MAK: variants seen among roughly 807,000 people sequenced by gnomAD.
MAK encodes the protein male germ cell associated kinase, also known as serine/threonine-protein kinase MAK.
A neutral mutation model predicts 82.6 loss-of-function variants in MAK; 65 were observed. That is an observed-to-expected ratio of 0.79 (90% CI 0.64 to 0.97). MAK has a LOEUF of 0.97. MAK is among the 50% of genes least tolerant of loss of function. The pLI, the probability that MAK is intolerant of heterozygous loss-of-function variation, is 0.00. For synonymous variants in MAK, 250 were observed against 274.2 expected (o/e 0.91, Z 0.87); for missense variants, 703 against 780.2 (o/e 0.90, Z 1.18).
intron 12 of MAK, among the ~76,000 whole-genome samples, chr6:10,773,566 CTG>C (rs142991195): frequency 1.1e-4 from 17 of 152,184 alleles, no homozygotes; most frequent in African/African-American, 4.1e-4. Flanking sequence ...AAAAAACAAA[CTG>C]TACCTCTTCA....
chr6:10,816,060 C>G (rs1282703509), intron 4 of MAK, among the ~76,000 whole-genome samples: 1 of 151,272 alleles, frequency 6.6e-6, no homozygotes, highest in Non-Finnish European at 1.5e-5. Context: ...GCAGTGAAAC[C>G]CTGTCTCTAC....
chr6:10,829,731 A>G (rs1452388176), intron 2 of MAK, among the ~76,000 whole-genome samples: 1 of 152,238 alleles, frequency 6.6e-6, no homozygotes, highest in East Asian at 1.9e-4. Context: ...AGTAATATAG[A>G]AGAAAAACAG....
At chr6:10,789,034 C>T (rs928324964) in intron 10 of MAK, among the ~76,000 whole-genome samples, 1 of 151,732 alleles carries the variant, frequency 6.6e-6, no homozygotes, top group African/African-American at 2.4e-5. Flanking sequence ...CACTCTGATC[C>T]TCAAATAAGT....
In MAK at chr6:10,764,304, A is replaced by C. The variant is rs1772192463; in HGVS notation, c.*148T>G. On this transcript the variant is annotated 3_prime_UTR_variant, in exon 15 of 15. Coordinates refer to ENST00000354489, the MANE Select transcript of MAK (RefSeq NM_001242957.3). ...TGCATTTCTTGGAAATAAGTAAAAT[A>C]GGGGATGATTTTTGCCCTTCCAAGT... 5 of 719,304 alleles carry C rather than the reference A, an allele frequency of 7.0e-6. No individual in the cohort carries two copies. The highest frequency in any genetic ancestry group is 1.1e-5 in the Non-Finnish European group (5 of 437,248). The allele number at this position is 719,304 out of a possible 1,614,324, so 44.6% of individuals were successfully genotyped here. A position where few individuals can be genotyped will look rare whatever the true frequency, so the allele number is the denominator to read the frequency against.
chr6:10,817,186 G>A (rs150451818), intron 4 of MAK, among the ~76,000 whole-genome samples: 2 of 151,104 alleles, frequency 1.3e-5, no homozygotes, highest in Non-Finnish European at 2.9e-5. Context: ...TCATTACTTC[G>A]GAAAATTATT....
rs1458244861 is a variant in MAK, at chr6:10,764,065, G to A, written c.*387C>T. The A allele has an allele frequency of 2.1e-5, 4 of 186,812 alleles. No homozygotes were observed. Among genetic ancestry groups the A allele is most frequent in the Admixed American group, 5.7e-5 (1 of 17,650 alleles). 11.6% of individuals were successfully genotyped at this position (186,812 alleles called of 1,614,324 possible). A position where few individuals can be genotyped will look rare whatever the true frequency, so the allele number is the denominator to read the frequency against. The stretch of plus-strand genomic sequence containing the variant: ...AACCTCTTAAGCCAACCACAGCAAA[G>A]TGAAGAACTACTAAACCATTTGGGC... On this transcript the variant is annotated 3_prime_UTR_variant, in exon 15 of 15. Coordinates refer to ENST00000354489, the MANE Select transcript of MAK (RefSeq NM_001242957.3).
chr6:10,786,592 T>G (rs707799), intron 10 of MAK, among the ~76,000 whole-genome samples: 4 of 117,430 alleles, frequency 3.4e-5, no homozygotes. Context: ...CTCCACTAAT[T>G]CACCAGTTCA....
intron 2 of MAK, 151 bp downstream of exon 2, chr6:10,830,397 C>A (rs919534317): frequency 1.1e-5 from 7 of 665,946 alleles, no homozygotes; most frequent in Non-Finnish European, 1.7e-5. Context: ...AACTCCTAAC[C>A]TCATGATCCG....
At chr6:10,790,428 AAAGT>A (rs1774977950) in intron 10 of MAK, among the ~76,000 whole-genome samples, 1 of 151,728 alleles carries the variant, frequency 6.6e-6, no homozygotes, top group South Asian at 2.1e-4. Flanking sequence ...AAAAAAAAAG[AAAGT>A]ATCTTTCCAA....
chr6:10,782,910 T>G (rs951519347), intron 11 of MAK, among the ~76,000 whole-genome samples: 3 of 152,110 alleles, frequency 2.0e-5, no homozygotes, highest in Non-Finnish European at 4.4e-5. Flanking sequence ...AATTTCTATG[T>G]TTGCCTAAAA....
chr6:10,837,522 C>A (rs924532520), intron 1 of MAK, among the ~76,000 whole-genome samples: 3 of 152,174 alleles, frequency 2.0e-5, no homozygotes, highest in Non-Finnish European at 2.9e-5. Context: ...GGGGCCCGAT[C>A]GAAAAGCTGG....
intron 5 of MAK, among the ~76,000 whole-genome samples, chr6:10,812,068 C>T (rs904278651): frequency 1.3e-5 from 2 of 151,978 alleles, no homozygotes; most frequent in African/African-American, 4.8e-5. Flanking sequence ...GGTGTGGAAG[C>T]GTGCGCCTGT....
In MAK at chr6:10,799,479, T is replaced by C. The variant is rs553744552; in HGVS notation, c.831+2413A>G. Among the ~76,000 whole-genome samples the C allele has an allele frequency of 2.0e-4, 30 of 152,238 alleles. No individual in the cohort carries two copies. In the East Asian group the frequency reaches 4.6e-3, roughly 24 times the overall value. On this transcript the variant is annotated intron_variant, in intron 8 of 14. Coordinates refer to ENST00000354489, the MANE Select transcript of MAK (RefSeq NM_001242957.3). Reference sequence around the variant, plus strand: ...GAAAAATTAGAAAATATGGGCCAGGTGTGGTGGCTCACGCCTATATTATTT... The same window carrying C: ...GAAAAATTAGAAAATATGGGCCAGGCGTGGTGGCTCACGCCTATATTATTT...
intron 2 of MAK, among the ~76,000 whole-genome samples, chr6:10,821,625 C>T (rs1398019583): frequency 6.6e-6 from 1 of 152,130 alleles, no homozygotes; most frequent in Admixed American, 6.6e-5. Context: ...AAAATACGTT[C>T]AAGTTACTTT....
At chr6:10,832,094 G>A (rs999492882) in intron 1 of MAK, among the ~76,000 whole-genome samples, 4 of 152,064 alleles carry the variant, frequency 2.6e-5, no homozygotes, top group Non-Finnish European at 4.4e-5. Flanking sequence ...GGGATTACAG[G>A]TGCCCACCCC....
In MAK at chr6:10,770,107, C is replaced by G; in HGVS notation, c.1792+4G>C. On this transcript the variant is annotated splice_donor_region_variant and intron_variant, in intron 14 of 14. Transcript: ENST00000354489. ...TAGAAAACTGTATCTGAAGTTGTTCCTACCTGAAGCCGTTGCATTGAGAGG... is the reference window on the plus strand; with the variant it reads ...TAGAAAACTGTATCTGAAGTTGTTCGTACCTGAAGCCGTTGCATTGAGAGG... 6.2e-7 allele frequency: 1 copy of G among 1,614,170 alleles called. No homozygotes were observed. Among genetic ancestry groups the G allele is most frequent in the African/African-American group, 1.3e-5 (1 of 75,054 alleles).
At chr6:10,779,932 C>T (rs1181496566) in intron 11 of MAK, among the ~76,000 whole-genome samples, 8 of 152,180 alleles carry the variant, frequency 5.3e-5, no homozygotes, top group South Asian at 2.1e-4. Flanking sequence ...GGTGATCCAC[C>T]GGCTTTGGCC....
At chr6:10,778,851 G>A (rs1475069245) in intron 11 of MAK, among the ~76,000 whole-genome samples, 2 of 152,126 alleles carry the variant, frequency 1.3e-5, no homozygotes, top group Admixed American at 1.3e-4. Context: ...ATGGAGGCCA[G>A]GTGCGGTGGC....
chr6:10,782,249 C>G (rs4712945), intron 11 of MAK, among the ~76,000 whole-genome samples: 1 of 138,126 alleles, frequency 7.2e-6, no homozygotes, highest in East Asian at 2.1e-4. Flanking sequence ...CACACACACA[C>G]AGACACACAC....
Sources: gnomAD v4.1 joint callset for allele counts (sites outside exome capture counted in the v4.1 genomes callset) on GRCh38, gnomAD v4.1.1 for gene constraint, MANE v1.5 for transcripts, NCBI Gene and HGNC (gene_info 2026-07-23, HGNC 2026-07-21) for gene names.